The following FAT3 variants were observed in gnomAD, a reference collection of about 807,000 sequenced individuals.
FAT3 encodes the protein protocadherin Fat 3.
In FAT3, 95 loss-of-function variants were observed where a neutral mutation model predicts 310.2. The ratio of observed to expected loss-of-function variants is 0.31; its 90% CI spans 0.26 to 0.36. FAT3 has a LOEUF of 0.36. Ranked by LOEUF, FAT3 falls within the 10% of genes least tolerant of loss-of-function variation. The pLI is 1.00. For missense variants in FAT3, 5,408 were observed against 5,715.6 expected (o/e 0.95, Z 1.74); for synonymous variants, 2,314 against 2,192.9 (o/e 1.06, Z -1.54).
At chr11:92,532,903 G>T (rs1195876947) in intron 3 of FAT3, among the ~76,000 whole-genome samples, 1 of 152,160 alleles carries the variant, frequency 6.6e-6, no homozygotes, top group Non-Finnish European at 1.5e-5. Context: ...ACCTCAGGTA[G>T]GGATTCTGCA....
intron 3 of FAT3, among the ~76,000 whole-genome samples, chr11:92,616,134 A>G (rs1199573740): frequency 1.3e-5 from 2 of 151,828 alleles, no homozygotes; most frequent in African/African-American, 4.8e-5. Flanking sequence ...AGGTCTCTAA[A>G]GACTTGCTTT....
chr11:92,393,455 C>T (rs1387755137), intron 2 of FAT3, among the ~76,000 whole-genome samples: 1 of 152,118 alleles, frequency 6.6e-6, no homozygotes, highest in African/African-American at 2.4e-5. Flanking sequence ...AGGATTTCGC[C>T]GCCAAACCAT....
At chr11:92,837,911 C>A in intron 17 of FAT3, 105 bp downstream of exon 17, 1 of 1,377,424 alleles carries the variant, frequency 7.3e-7, no homozygotes, top group Non-Finnish European at 1.0e-6. Context: ...TTAATGTCAT[C>A]TCATCCCTTC....
chr11:92,648,157 T>C (rs1591561074), intron 3 of FAT3, among the ~76,000 whole-genome samples: 1 of 152,120 alleles, frequency 6.6e-6, no homozygotes, highest in Non-Finnish European at 1.5e-5. Context: ...TAGTGGTAGG[T>C]AGGGTAGGGA....
chr11:92,471,692 T>C (rs986057646), intron 2 of FAT3, among the ~76,000 whole-genome samples: 3 of 151,956 alleles, frequency 2.0e-5, no homozygotes, highest in African/African-American at 7.2e-5. Context: ...AGAAAACTCA[T>C]CTACAAATGC....
intron 2 of FAT3, among the ~76,000 whole-genome samples, chr11:92,404,380 G>A (rs1950092777): frequency 6.6e-6 from 1 of 152,034 alleles, no homozygotes; most frequent in South Asian, 2.1e-4. Context: ...CAGGTAGGAA[G>A]AAGAAAATAA....
At chr11:92,530,439 G>A (rs1042882457) in intron 3 of FAT3, among the ~76,000 whole-genome samples, 1 of 152,046 alleles carries the variant, frequency 6.6e-6, no homozygotes, top group African/African-American at 2.4e-5. Flanking sequence ...ACGGGGCTGA[G>A]GTTTGAGAGT....
chr11:92,555,306 AAT>A (rs926499583), intron 3 of FAT3, among the ~76,000 whole-genome samples: 3 of 152,238 alleles, frequency 2.0e-5, no homozygotes. Context: ...GAAATGAGAA[AAT>A]ATGTTTCCTT....
intron 2 of FAT3, among the ~76,000 whole-genome samples, chr11:92,379,365 T>C (rs1010448647): frequency 3.3e-5 from 5 of 152,230 alleles, no homozygotes; most frequent in African/African-American, 1.2e-4. Context: ...CATAGCTTTG[T>C]TTCTCTTCTG....
intron 3 of FAT3, among the ~76,000 whole-genome samples, chr11:92,564,353 T>G (rs1955351003): frequency 6.6e-6 from 1 of 150,776 alleles, no homozygotes; most frequent in South Asian, 2.1e-4. Context: ...TAAATATATA[T>G]GCACCCAATA....
intron 3 of FAT3, among the ~76,000 whole-genome samples, chr11:92,582,655 T>A (rs989456547): frequency 2.0e-5 from 3 of 151,994 alleles, no homozygotes; most frequent in African/African-American, 7.2e-5. Context: ...AGGCATATGC[T>A]CTCTAAGCAT....
chr11:92,637,261 A>G (rs1941798511), intron 3 of FAT3, among the ~76,000 whole-genome samples: 1 of 152,224 alleles, frequency 6.6e-6, no homozygotes, highest in South Asian at 2.1e-4. Context: ...GAGAAGAAGC[A>G]TGAGACTTCT....
At chr11:92,661,066 A>C (rs762528254) in intron 3 of FAT3, among the ~76,000 whole-genome samples, 1 of 152,240 alleles carries the variant, frequency 6.6e-6, no homozygotes, top group Non-Finnish European at 1.5e-5. Flanking sequence ...TTGATTATGA[A>C]GTAACAATAG....
intron 4 of FAT3, among the ~76,000 whole-genome samples, chr11:92,742,649 C>T (rs1395484976): frequency 6.6e-6 from 1 of 152,212 alleles, no homozygotes; most frequent in Admixed American, 6.5e-5. Context: ...ATGCCTTCTT[C>T]CTCTCTTGCT....
chr11:92,229,510 T>TTTTTTTTTC (rs1440088788), intron 1 of FAT3, among the ~76,000 whole-genome samples: 1 of 77,140 alleles, frequency 1.3e-5, no homozygotes, highest in African/African-American at 4.0e-5. Context: ...TTTTTTTGTT[T>TTTTTTTTTC]TTTGTTTTTT....
intron 4 of FAT3, among the ~76,000 whole-genome samples, chr11:92,757,315 T>C (rs903730712): frequency 2.0e-5 from 3 of 152,196 alleles, no homozygotes; most frequent in African/African-American, 7.2e-5. Flanking sequence ...CCACTGATTA[T>C]TGATTGGCAA....
chr11:92,455,342 C>G, intron 2 of FAT3, among the ~76,000 whole-genome samples: 1 of 152,166 alleles, frequency 6.6e-6, no homozygotes, highest in African/African-American at 2.4e-5. Flanking sequence ...AATTGTGGCT[C>G]TGACAAGCTC....
In FAT3 at chr11:92,855,323, T is replaced by C. The variant is rs145476141; in HGVS notation, c.11366-1891T>C. Among the ~76,000 whole-genome samples the C allele has an allele frequency of 3.1e-3, 477 of 152,340 alleles. 3 individuals carry two copies. The highest frequency in any genetic ancestry group is 3.8e-3 in the Non-Finnish European group (259 of 68,030). On this transcript the variant is annotated intron_variant, in intron 19 of 27. Transcript: ENST00000525166. ...TTCATGCCTGAGTTAAAATATTCCC[T>C]TCCTTTGGGAAGACTTCTGACATTC...
intron 13 of FAT3, among the ~76,000 whole-genome samples, chr11:92,822,713 C>T (rs144800210): frequency 1.6e-3 from 250 of 152,330 alleles, no homozygotes; most frequent in African/African-American, 5.6e-3. Flanking sequence ...CTAATTTATC[C>T]ATTAACTTAG....
Sources: allele counts gnomAD v4.1 joint callset (sites outside exome capture counted in the v4.1 genomes callset), GRCh38; gene constraint gnomAD v4.1.1; transcripts MANE v1.5; gene names NCBI Gene and HGNC (gene_info 2026-07-23, HGNC 2026-07-21).